Variants in TTLL5 observed in about 807,000 individuals in gnomAD.
TTLL5 encodes tubulin polyglutamylase TTLL5.
In TTLL5, 132 loss-of-function variants were observed where a neutral mutation model predicts 168.4. The ratio of observed to expected loss-of-function variants is 0.78; its 90% CI spans 0.68 to 0.91. The LOEUF is 0.91. TTLL5 is among the 40% of genes least tolerant of loss of function. The pLI is 0.00. For missense variants in TTLL5, 1,545 were observed against 1,581.5 expected (o/e 0.98, Z 0.39); for synonymous variants, 546 against 558.6 (o/e 0.98, Z 0.32).
intron 30 of TTLL5, among the ~76,000 whole-genome samples, chr14:75,884,575 A>G (rs541683444): frequency 6.6e-5 from 10 of 152,284 alleles, no homozygotes; most frequent in East Asian, 5.8e-4. Flanking sequence ...AGAAGGGGGG[A>G]AAAAGCGGAG....
At chr14:75,786,584 A>G (rs530818407) in intron 26 of TTLL5, among the ~76,000 whole-genome samples, 1 of 152,198 alleles carries the variant, frequency 6.6e-6, no homozygotes. Context: ...ATAATTGACA[A>G]CAGCCTGTAA....
chr14:75,883,928 T>C (rs1198313915), intron 30 of TTLL5, among the ~76,000 whole-genome samples: 1 of 152,178 alleles, frequency 6.6e-6, no homozygotes, highest in Non-Finnish European at 1.5e-5. Context: ...GTCAAATCCT[T>C]AGGTCTGCAG....
intron 28 of TTLL5, among the ~76,000 whole-genome samples, chr14:75,858,260 G>C (rs1304950926): frequency 2.0e-5 from 3 of 152,176 alleles, no homozygotes; most frequent in Admixed American, 1.3e-4. Flanking sequence ...TTGTAAAACT[G>C]CTCGTGCCTT....
intron 28 of TTLL5, among the ~76,000 whole-genome samples, chr14:75,832,662 G>A (rs1178899645): frequency 1.3e-5 from 2 of 152,172 alleles, no homozygotes; most frequent in Non-Finnish European, 2.9e-5. Context: ...GGTCTTTTCA[G>A]TACTAATAAC....
Position 75,669,450 on chromosome 14 carries a change from A to C in TTLL5, c.109A>C (p.Arg37=), listed in dbSNP as rs754628026. ...HPCIMWTGGC[R]RIPVLVFHAD... is the part of the protein sequence containing the mutation. ...ATGCATCATGTGGACTGGAGGCTGCAGGAGAATTCCAGTTTTGGTATTCCA... is the reference window on the plus strand; with the variant it reads ...ATGCATCATGTGGACTGGAGGCTGCCGGAGAATTCCAGTTTTGGTATTCCA... The change falls in exon 3 of 32, where the codon AGG becomes CGG. Residue 37 remains arginine, a synonymous_variant. Coordinates refer to ENST00000298832, the MANE Select transcript of TTLL5 (RefSeq NM_015072.5). The C allele has an allele frequency of 4.3e-6, 7 of 1,614,062 alleles. No homozygotes were observed. In the African/African-American group the frequency reaches 8.0e-5, roughly 18 times the overall value.
intron 27 of TTLL5, among the ~76,000 whole-genome samples, chr14:75,812,620 C>T (rs553903624): frequency 1.3e-5 from 2 of 152,094 alleles, no homozygotes; most frequent in Non-Finnish European, 2.9e-5. Context: ...AACTATTTTC[C>T]CTTCTCATTC....
chr14:75,951,826 A>G (rs553781114), intron 31 of TTLL5, among the ~76,000 whole-genome samples: 12 of 152,354 alleles, frequency 7.9e-5, no homozygotes, highest in African/African-American at 2.9e-4. Context: ...ATACATAAAA[A>G]CCAAAAAGTT....
chr14:75,709,137 CA>C (rs1189389123), intron 9 of TTLL5: 2 of 744,976 alleles, frequency 2.7e-6, no homozygotes, highest in Non-Finnish European at 4.9e-6. Flanking sequence ...GTGGTCACGA[CA>C]AGCTAAAAAA....
Position 75,863,854 on chromosome 14 carries a change from C to T in TTLL5, c.3514C>T (p.Arg1172Trp), listed in dbSNP as rs763081813. The T allele has an allele frequency of 1.3e-5, 19 of 1,514,662 alleles. No individual in the cohort carries two copies. Among genetic ancestry groups the T allele is most frequent in the Admixed American group, 3.8e-5 (2 of 52,454 alleles). 93.8% of individuals were successfully genotyped at this position (1,514,662 alleles called of 1,614,324 possible). Residue 1172 changes from arginine to tryptophan, a missense_variant, in exon 29 of 32, where the codon CGG (arginine) becomes TGG (tryptophan). Transcript: ENST00000298832. ...GCAGCTCCTGGACCAGAGTCGAGCC[C>T]GGCACCAGGTAATTCAAGATAAGTC... ...SRQLLDQSRA[R>W]HQAIFGSQTL...
At chr14:75,856,689 C>T (rs1018600821) in intron 28 of TTLL5, among the ~76,000 whole-genome samples, 12 of 146,982 alleles carry the variant, frequency 8.2e-5, no homozygotes, top group East Asian at 4.0e-4. Context: ...TGCAGTGGCA[C>T]GATCTCAGCT....
In TTLL5 at chr14:75,944,485, G is replaced by A. The variant is rs1161508311; in HGVS notation, c.3824-9939G>A. ...CTCCCTGCCCTGACAGCTAGCAACA[G>A]GCCAAAACCCACAGAACAGCCAACT... is the stretch of plus-strand genomic sequence containing the variant. On this transcript the variant is annotated intron_variant, in intron 31 of 31. Transcript: ENST00000298832. 2.6e-5 allele frequency among the ~76,000 whole-genome samples: 4 copies of A among 152,222 alleles called. No homozygotes were observed. In the East Asian group the frequency reaches 7.7e-4, roughly 29 times the overall value.
rs559121568 is a variant in TTLL5 at position 75,753,789 on chromosome 14, A to G, written c.1550+834A>G. ...GACAGAATCTCATTTCTTTATATGT[A>G]TAAAACCTGTGGGTTTTTCCTCCCC... On this transcript the variant is annotated intron_variant, in intron 18 of 31. Coordinates refer to ENST00000298832, the MANE Select transcript of TTLL5 (RefSeq NM_015072.5). Among the ~76,000 whole-genome samples, 4 of 152,162 alleles carry G rather than the reference A, an allele frequency of 2.6e-5. No homozygotes were observed. The East Asian group carries it at 5.8e-4, about 22-fold the overall frequency.
rs1449136908 is a variant in TTLL5, at chr14:75,717,914, T to C, written c.794T>C (p.Met265Thr). ...QGAKNIRNQF[M>T]HLTNYSVNKK... ...GCCAAGAACATTCGGAACCAGTTCATGCATCTGACAAACTACAGTGTCAAC... is the reference window on the plus strand; with the variant it reads ...GCCAAGAACATTCGGAACCAGTTCACGCATCTGACAAACTACAGTGTCAAC... Residue 265 changes from methionine to threonine, a missense_variant, in exon 10 of 32, where the codon ATG becomes ACG. Transcript: ENST00000298832. 2 of 1,613,750 alleles carry C rather than the reference T, an allele frequency of 1.2e-6. No homozygotes were observed. The highest frequency in any genetic ancestry group is 2.7e-5 in the African/African-American group (2 of 74,902).
chr14:75,755,187 C>G (rs1303350010), intron 18 of TTLL5, among the ~76,000 whole-genome samples: 1 of 151,966 alleles, frequency 6.6e-6, no homozygotes, highest in Non-Finnish European at 1.5e-5. Context: ...ATCGCTTGAA[C>G]CTGGGAGGTG....
chr14:75,930,719 C>T (rs1440115551), intron 31 of TTLL5: 8 of 806,378 alleles, frequency 9.9e-6, no homozygotes, highest in African/African-American at 7.5e-5. Context: ...GAGAAAGAAG[C>T]GATTTCACCT....
At chr14:75,805,622 G>A (rs1893608529) in intron 27 of TTLL5, among the ~76,000 whole-genome samples, 1 of 152,152 alleles carries the variant, frequency 6.6e-6, no homozygotes, top group South Asian at 2.1e-4. Context: ...TTCCACCTGT[G>A]AGACATTTCT....
At chr14:75,686,603 T>C (rs1306553089) in intron 5 of TTLL5, among the ~76,000 whole-genome samples, 1 of 152,176 alleles carries the variant, frequency 6.6e-6, no homozygotes, top group Non-Finnish European at 1.5e-5. Context: ...TTTAAAAATA[T>C]GCTAAATGCT....
At chr14:75,917,763 G>A (rs908450263) in intron 31 of TTLL5, among the ~76,000 whole-genome samples, 1 of 152,214 alleles carries the variant, frequency 6.6e-6, no homozygotes, top group African/African-American at 2.4e-5. Flanking sequence ...CATGGATGTA[G>A]ATGAAGCTCT....
chr14:75,876,801 A>C (rs1394239910), intron 29 of TTLL5, among the ~76,000 whole-genome samples: 1 of 152,226 alleles, frequency 6.6e-6, no homozygotes, highest in African/African-American at 2.4e-5. Context: ...ACTTTTGCCA[A>C]AATAGAAACA....
Sources: gnomAD v4.1 joint callset for allele counts (sites outside exome capture counted in the v4.1 genomes callset) on GRCh38, gnomAD v4.1.1 for gene constraint, MANE v1.5 for transcripts, NCBI Gene and HGNC (gene_info 2026-07-23, HGNC 2026-07-21) for gene names.